The following CEP63 variants were observed in gnomAD, a reference collection of about 807,000 sequenced individuals.
CEP63 encodes the protein centrosomal protein 63, also known as centrosomal protein of 63 kDa.
A neutral mutation model predicts 89.1 loss-of-function variants in CEP63; 84 were observed. The observed-to-expected ratio is 0.94, with a 90% CI of 0.79 to 1.13. The LOEUF is 1.13. Ranked by LOEUF, CEP63 falls within the 50% of genes most tolerant of loss-of-function variation. The pLI, the probability that CEP63 is intolerant of heterozygous loss-of-function variation, is 0.00. For synonymous variants in CEP63, 267 were observed against 272.5 expected, an observed-to-expected ratio of 0.98 and a Z score of 0.20; for missense variants, 838 against 813.3, an observed-to-expected ratio of 1.03 and a Z score of -0.37.
At chr3:134,661,182 A>C in the CEP63 span, among the ~76,000 whole-genome samples, 1 of 152,032 alleles carries the variant, frequency 6.6e-6, no homozygotes, top group Non-Finnish European at 1.5e-5. Context: ...CTGTCCATCT[A>C]TTTATCCCTC....
At chr3:134,659,147 A>G in the CEP63 span, among the ~76,000 whole-genome samples, 4 of 152,168 alleles carry the variant, frequency 2.6e-5, no homozygotes, top group African/African-American at 7.2e-5. Flanking sequence ...ATGAAGATCA[A>G]TCTGTCTTTC....
At chr3:134,606,948 T>C in the CEP63 span, 1 of 984,948 alleles carries the variant, frequency 1.0e-6, no homozygotes, top group Non-Finnish European at 1.2e-6. Flanking sequence ...TTCCTTCCCC[T>C]CCCCTCTCTT....
In CEP63 at chr3:134,545,376, T is replaced by C. The variant is rs7373651; in HGVS notation, c.556-210T>C. Reference sequence around the variant, plus strand: ...AACTCCTGAGCTCAAGCGATCTGCCTGCCTCAGCCTCCCATAGTGTTAGGA... The same window carrying C: ...AACTCCTGAGCTCAAGCGATCTGCCCGCCTCAGCCTCCCATAGTGTTAGGA... On this transcript the variant is annotated intron_variant, in intron 6 of 14. Coordinates refer to ENST00000675561, the MANE Select transcript of CEP63 (RefSeq NM_001353108.3). 1 allele frequency among the ~76,000 whole-genome samples: 151,617 copies of C among 152,056 alleles called. 75,592 individuals carry two copies. The highest frequency in any genetic ancestry group is 1 in the Middle Eastern group (294 of 294).
intron 10 of CEP63, among the ~76,000 whole-genome samples, chr3:134,581,131 T>C (rs1370649932): frequency 6.6e-6 from 1 of 152,108 alleles, no homozygotes; most frequent in African/African-American, 2.4e-5. Flanking sequence ...CCATAGACCT[T>C]CCAGGAAAGA....
At chr3:134,747,753 G>C in the CEP63 span, among the ~76,000 whole-genome samples, 86 of 152,342 alleles carry the variant, frequency 5.6e-4, no homozygotes, top group African/African-American at 1.9e-3. Context: ...TCTATGGGAA[G>C]TGGGAACTGT....
chr3:134,670,174 C>A, the CEP63 span, among the ~76,000 whole-genome samples: 1 of 152,184 alleles, frequency 6.6e-6, no homozygotes, highest in African/African-American at 2.4e-5. Context: ...TTTACTATAG[C>A]AGCCTAAATT....
chr3:134,696,833 A>T, the CEP63 span, among the ~76,000 whole-genome samples: 5 of 152,244 alleles, frequency 3.3e-5, no homozygotes, highest in African/African-American at 1.2e-4. Flanking sequence ...GATGTGACAT[A>T]CTTTATGTGT....
the CEP63 span, among the ~76,000 whole-genome samples, chr3:134,641,737 G>A: frequency 0.18 from 26,722 of 151,932 alleles, 2,972 homozygotes; most frequent in Non-Finnish European, 0.26. Flanking sequence ...CCCCATACCC[G>A]CACACACCCC....
the CEP63 span, among the ~76,000 whole-genome samples, chr3:134,723,533 T>A: frequency 7.0e-3 from 1,070 of 152,340 alleles, 11 homozygotes; most frequent in African/African-American, 0.023. Context: ...TTTGGACTAA[T>A]GGGTTACACA....
At chr3:134,611,080 T>C in the CEP63 span, among the ~76,000 whole-genome samples, 4 of 152,194 alleles carry the variant, frequency 2.6e-5, no homozygotes, top group Non-Finnish European at 5.9e-5. Context: ...GCAAGAGCCA[T>C]CATGGTGCAT....
the CEP63 span, among the ~76,000 whole-genome samples, chr3:134,701,430 A>G: frequency 7.5e-4 from 36 of 48,020 alleles, 2 homozygotes; most frequent in Non-Finnish European, 8.3e-4. Context: ...ATACGTATAT[A>G]TGTGTATATA....
chr3:134,740,744 T>C, the CEP63 span, among the ~76,000 whole-genome samples: 2 of 152,152 alleles, frequency 1.3e-5, no homozygotes, highest in East Asian at 3.9e-4. Flanking sequence ...TATTCAGAAC[T>C]CAAAGCCAAG....
At chr3:134,516,376 C>T (rs1351790965) in intron 3 of CEP63, among the ~76,000 whole-genome samples, 1 of 152,198 alleles carries the variant, frequency 6.6e-6, no homozygotes, top group Non-Finnish European at 1.5e-5. Context: ...TATACCGAGA[C>T]ATTCCATTGT....
At chr3:134,515,059 G>A (rs1360607750) in intron 3 of CEP63, among the ~76,000 whole-genome samples, 2 of 152,256 alleles carry the variant, frequency 1.3e-5, no homozygotes, top group East Asian at 3.9e-4. Flanking sequence ...TAAAATTATG[G>A]TGGCAATGGT....
At chr3:134,742,328 G>A in the CEP63 span, among the ~76,000 whole-genome samples, 1 of 152,178 alleles carries the variant, frequency 6.6e-6, no homozygotes, top group Non-Finnish European at 1.5e-5. Context: ...GGATGAGAGA[G>A]TCTAGTGTGT....
chr3:134,666,196 C>A, the CEP63 span, among the ~76,000 whole-genome samples: 1 of 152,094 alleles, frequency 6.6e-6, no homozygotes, highest in Non-Finnish European at 1.5e-5. Context: ...TCCCTTCCAG[C>A]CTCAGCACGT....
chr3:134,649,264 G>A, the CEP63 span, among the ~76,000 whole-genome samples: 11 of 152,176 alleles, frequency 7.2e-5, no homozygotes, highest in Non-Finnish European at 1.5e-4. Context: ...GTGCATACAT[G>A]AGTCTGGAGC....
intron 10 of CEP63, among the ~76,000 whole-genome samples, chr3:134,587,117 T>C (rs1297442667): frequency 6.6e-6 from 1 of 152,174 alleles, no homozygotes; most frequent in African/African-American, 2.4e-5. Flanking sequence ...GGTTTTTAGC[T>C]TCCTTGCGAT....
the CEP63 span, among the ~76,000 whole-genome samples, chr3:134,593,736 A>G: frequency 6.6e-6 from 1 of 152,250 alleles, no homozygotes; most frequent in African/African-American, 2.4e-5. Flanking sequence ...CTAAGAGGCC[A>G]TCTTTCCAGA....
Sources: gnomAD v4.1 joint callset for allele counts (sites outside exome capture counted in the v4.1 genomes callset) on GRCh38, gnomAD v4.1.1 for gene constraint, MANE v1.5 for transcripts, NCBI Gene and HGNC (gene_info 2026-07-23, HGNC 2026-07-21) for gene names.